The following C4orf50 variants were observed in gnomAD, a reference collection of about 807,000 sequenced individuals.
C4orf50 encodes chromosome 4 open reading frame 50.
In C4orf50, 80 loss-of-function variants were observed where a neutral mutation model predicts 77.2. That is an observed-to-expected ratio of 1.04 (90% CI 0.87 to 1.25). C4orf50 has a LOEUF of 1.25. Ranked by LOEUF, C4orf50 falls within the 50% of genes most tolerant of loss-of-function variation. The probability of loss-of-function intolerance (pLI) is 0.00; values close to 1 mark genes in which losing one functional copy is unlikely to be tolerated. For missense variants in C4orf50, 1,257 were observed against 1,152.9 expected (o/e 1.09, Z -1.31); for synonymous variants, 532 against 465.3 (o/e 1.14, Z -1.84).
chr4:5,921,503 T>C (rs1052946262), intron 7 of C4orf50, among the ~76,000 whole-genome samples: 7 of 152,104 alleles, frequency 4.6e-5, no homozygotes, highest in African/African-American at 1.4e-4. Context: ...AGTAACAGAA[T>C]GCAAAGTTAG....
chr4:5,987,035 C>A (rs1439296375), intron 28 of C4orf50, among the ~76,000 whole-genome samples: 1 of 152,108 alleles, frequency 6.6e-6, no homozygotes, highest in African/African-American at 2.4e-5. Context: ...AAAAGAAGAA[C>A]AGCTGAAAAT....
At chr4:5,934,197 T>C (rs1212360926) in intron 7 of C4orf50, among the ~76,000 whole-genome samples, 1 of 151,906 alleles carries the variant, frequency 6.6e-6, no homozygotes, top group Non-Finnish European at 1.5e-5. Context: ...GACGGCTGCA[T>C]GGTAAGGCGA....
intron 29 of C4orf50, among the ~76,000 whole-genome samples, chr4:5,977,295 T>C (rs1441525533): frequency 6.6e-6 from 1 of 152,156 alleles, no homozygotes; most frequent in Non-Finnish European, 1.5e-5. Flanking sequence ...CTCAGTCCCT[T>C]TGCAGTCAGT....
chr4:6,012,631 T>C (rs1578002027), intron 23 of C4orf50, among the ~76,000 whole-genome samples: 1 of 152,216 alleles, frequency 6.6e-6, no homozygotes, highest in Non-Finnish European at 1.5e-5. Flanking sequence ...AGGAAGACTT[T>C]GCATGGTCTT....
chr4:5,958,171 T>A lies in C4orf50; in HGVS notation c.*1204A>T, dbSNP rs934929105. 1 of 152,180 alleles carries A rather than the reference T, an allele frequency of 6.6e-6. No homozygotes were observed. Among genetic ancestry groups the A allele is most frequent in the Non-Finnish European group, 1.5e-5 (1 of 68,148 alleles). 9.4% of individuals were successfully genotyped at this position (152,180 alleles called of 1,614,324 possible). ...GACATCTCTGGTGGGTGAGCCTGGGTCAGGGTCTGGTGTGTGTCGTCCAAG... is the reference window on the plus strand; with the variant it reads ...GACATCTCTGGTGGGTGAGCCTGGGACAGGGTCTGGTGTGTGTCGTCCAAG... On this transcript the variant is annotated 3_prime_UTR_variant, in exon 34 of 34. Coordinates refer to ENST00000531445, the Ensembl canonical transcript of C4orf50. This position sits in a 1 kb window ranked among gnomAD's most constrained non-coding sequence, Gnocchi z 5.4.
intron 7 of C4orf50, among the ~76,000 whole-genome samples, chr4:5,948,938 G>A (rs1368171040): frequency 7.4e-6 from 1 of 134,366 alleles, no homozygotes; most frequent in Non-Finnish European, 1.5e-5. Flanking sequence ...TTCAGCCTGG[G>A]CAACAGAGTG....
chr4:5,953,006 A>T (rs1718796668), downstream of C4orf50, among the ~76,000 whole-genome samples: 1 of 152,200 alleles, frequency 6.6e-6, no homozygotes, highest in South Asian at 2.1e-4. Flanking sequence ...TGTGATGAGC[A>T]CTATTTTCGG....
intron 28 of C4orf50, among the ~76,000 whole-genome samples, chr4:5,983,995 TGAG>T (rs1720733081): frequency 1.3e-5 from 2 of 152,342 alleles, no homozygotes; most frequent in East Asian, 3.9e-4. Context: ...CACACACTTC[TGAG>T]AAGATTGCAG....
intron 25 of C4orf50, among the ~76,000 whole-genome samples, chr4:5,998,978 G>T (rs1577984856): frequency 6.6e-6 from 1 of 152,180 alleles, no homozygotes. Context: ...TTCCTCTGGG[G>T]ATCAAGGTTC....
At position 5,901,669 on chromosome 4, in the gene C4orf50, G is replaced by C. The variant is rs1012280005; in HGVS notation, c.*2475-3481C>G. On this transcript the variant is annotated intron_variant, in intron 7 of 7. Coordinates refer to the C4orf50 transcript ENST00000324058. The surrounding 1 kb of genome is among the most constrained non-coding windows in gnomAD (Gnocchi z 4.4). ...TCCGGGGCCCACACCTGGCCCACAG[G>C]GTGTCCTGTGTGCAGTGGGATGGAC... The C allele has an allele frequency of 3.3e-5, 5 of 152,216 alleles. No homozygotes were observed. Among genetic ancestry groups the C allele is most frequent in the African/African-American group, 7.2e-5 (3 of 41,444 alleles). 9.4% of individuals were successfully genotyped at this position (152,216 alleles called of 1,614,324 possible). A position where few individuals can be genotyped will look rare whatever the true frequency, so the allele number is the denominator to read the frequency against.
At chr4:5,934,650 A>T (rs778432995) in intron 7 of C4orf50, among the ~76,000 whole-genome samples, 2 of 152,210 alleles carry the variant, frequency 1.3e-5, no homozygotes, top group Non-Finnish European at 1.5e-5. Flanking sequence ...CACTTGCCAT[A>T]GCCAGGCTGG....
intron 28 of C4orf50, among the ~76,000 whole-genome samples, chr4:5,982,288 T>C (rs1720632611): frequency 6.6e-6 from 1 of 151,436 alleles, no homozygotes; most frequent in Non-Finnish European, 1.5e-5. Context: ...CTAAAGAGAA[T>C]GGCTGTGCGG....
intron 25 of C4orf50, among the ~76,000 whole-genome samples, chr4:6,004,194 ATGG>A (rs1722065963): frequency 7.0e-6 from 1 of 141,892 alleles, no homozygotes; most frequent in Non-Finnish European, 1.5e-5. Flanking sequence ...GATGGTGATG[ATGG>A]TGATGGTGAT....
At position 5,972,869 on chromosome 4, in the gene C4orf50, G is replaced by A. The variant is rs574008373; in HGVS notation, c.4104+790C>T. Reference sequence around the variant, plus strand: ...TGTGGGCAGGCACGGCTGGGCACCCGTGGGTGCTGACTGTAGTCAGGAGAG... The same window carrying A: ...TGTGGGCAGGCACGGCTGGGCACCCATGGGTGCTGACTGTAGTCAGGAGAG... On this transcript the variant is annotated intron_variant, in intron 31 of 33. Transcript: ENST00000531445. 1.1e-4 allele frequency among the ~76,000 whole-genome samples: 16 copies of A among 152,326 alleles called. No individual in the cohort carries two copies. In the East Asian group the frequency reaches 2.3e-3, roughly 22 times the overall value.
chr4:5,910,776 C>T (rs967077481), intron 7 of C4orf50, among the ~76,000 whole-genome samples: 1 of 152,138 alleles, frequency 6.6e-6, no homozygotes, highest in Non-Finnish European at 1.5e-5. Flanking sequence ...TCCCTGCCCT[C>T]AGGTGCTCTC....
rs763836859 is a variant in C4orf50 at position 5,975,139 on chromosome 4, C to CAAAAAAAAA, written c.3921+751_3921+759dup. 3.9e-4 allele frequency among the ~76,000 whole-genome samples: 32 copies of CAAAAAAAAA among 82,828 alleles called. 1 individual carries two copies. The highest frequency in any genetic ancestry group is 5.1e-4 in the Admixed American group (3 of 5,888). 54.3% of individuals were successfully genotyped at this position (82,828 alleles called of 152,430 possible). On this transcript the variant is annotated intron_variant, in intron 30 of 33. Coordinates refer to ENST00000531445, the Ensembl canonical transcript of C4orf50. ...TGGGCGACAGAGTGACACTCCATCT[C>CAAAAAAAAA]AAAAAAAAAAAAAAAAAAAAAAAAA...
At chr4:5,950,449 T>A (rs186695582) in intron 7 of C4orf50, among the ~76,000 whole-genome samples, 89 of 152,366 alleles carry the variant, frequency 5.8e-4, no homozygotes, top group African/African-American at 2.1e-3. Context: ...ACGTTGCTGA[T>A]GACTACGTGA....
intron 7 of C4orf50, among the ~76,000 whole-genome samples, chr4:5,942,067 T>C (rs1054591470): frequency 1.3e-5 from 2 of 152,230 alleles, no homozygotes. Flanking sequence ...AAAGGGTTGC[T>C]CCTGGAGGAA....
chr4:5,902,785 C>A (rs904500129), intron 7 of C4orf50: 1 of 152,122 alleles, frequency 6.6e-6, no homozygotes, highest in South Asian at 2.1e-4. Flanking sequence ...CAATACTTCA[C>A]GAGGCTGCAA....
Sources: gnomAD v4.1 joint callset for allele counts (sites outside exome capture counted in the v4.1 genomes callset) on GRCh38, gnomAD v4.1.1 for gene constraint, Gnocchi (gnomAD v3.1) non-coding constraint, MANE v1.5 for transcripts, NCBI Gene and HGNC (gene_info 2026-07-23, HGNC 2026-07-21) for gene names.